The following STIM1 variants were observed in gnomAD, a reference collection of about 807,000 sequenced individuals.
STIM1 encodes stromal interaction molecule 1.
A neutral mutation model predicts 74.7 loss-of-function variants in STIM1; 25 were observed. The ratio of observed to expected loss-of-function variants is 0.33; its 90% CI spans 0.24 to 0.47. The LOEUF is 0.47. Among genes scored for constraint, STIM1 ranks in the 20% least tolerant of loss-of-function variants. The pLI, the probability that STIM1 is intolerant of heterozygous loss-of-function variation, is 1.00. For synonymous variants in STIM1, 328 were observed against 348.8 expected, an observed-to-expected ratio of 0.94 and a Z score of 0.66; for missense variants, 728 against 920.8, an observed-to-expected ratio of 0.79 and a Z score of 2.71.
intron 1 of STIM1, among the ~76,000 whole-genome samples, chr11:3,937,028 G>A (rs751199177): frequency 5.0e-4 from 76 of 152,112 alleles, no homozygotes; most frequent in African/African-American, 1.8e-3. Flanking sequence ...CTCTGCAGCT[G>A]GGTGCAGTGG....
chr11:4,023,831 C>T, intron 2 of STIM1, 42 bp from the exon 3 acceptor site: 1 of 1,531,048 alleles, frequency 6.5e-7, no homozygotes, highest in Non-Finnish European at 9.0e-7. Context: ...GACGGGCTGA[C>T]TCCTAGGTAT....
intron 6 of STIM1, 144 bp from the exon 7 acceptor site, chr11:4,074,358 C>A: frequency 1.0e-6 from 1 of 993,230 alleles, no homozygotes; most frequent in Non-Finnish European, 1.5e-6. Context: ...CTTGAGCTAG[C>A]TCAGAGCCAG....
intron 12 of STIM1, among the ~76,000 whole-genome samples, chr11:4,087,221 G>A (rs1173218808): frequency 6.6e-6 from 1 of 152,148 alleles, no homozygotes; most frequent in Non-Finnish European, 1.5e-5. Context: ...GCTGGGCATA[G>A]GGGTTCACTG....
At chr11:4,071,111 A>G (rs1374400004) in intron 6 of STIM1, among the ~76,000 whole-genome samples, 2 of 152,176 alleles carry the variant, frequency 1.3e-5, no homozygotes, top group African/African-American at 2.4e-5. Context: ...TTGAGTGTAT[A>G]GGGTGGGGTC....
intron 1 of STIM1, among the ~76,000 whole-genome samples, chr11:3,906,254 A>G (rs1175574266): frequency 6.6e-6 from 1 of 152,240 alleles, no homozygotes; most frequent in Non-Finnish European, 1.5e-5. Flanking sequence ...ATTTTGATTC[A>G]GTGGAAAGAG....
In STIM1 at chr11:4,092,854, G is replaced by C. The variant is rs1200273673; in HGVS notation, c.*1056G>C. 6.6e-6 allele frequency: 1 copy of C among 152,182 alleles called. No homozygotes were observed. The highest frequency in any genetic ancestry group is 1.5e-5 in the Non-Finnish European group (1 of 68,056). 9.4% of individuals were successfully genotyped at this position (152,182 alleles called of 1,614,324 possible). ...CATTTTCATGTTACTTTGTAGCCTTGGCCAGAGGCTCAAAAAGGACACAAC... is the reference window on the plus strand; with the variant it reads ...CATTTTCATGTTACTTTGTAGCCTTCGCCAGAGGCTCAAAAAGGACACAAC... On this transcript the variant is annotated 3_prime_UTR_variant, in exon 13 of 13. Coordinates refer to ENST00000526596, the MANE Select transcript of STIM1 (RefSeq NM_001382567.1).
In STIM1 at chr11:4,083,460, A is replaced by T; in HGVS notation, c.1436A>T (p.Asp479Val). 1 of 1,614,212 alleles carries T rather than the reference A, an allele frequency of 6.2e-7. No individual in the cohort carries two copies. The change falls in exon 10 of 13, where the codon GAC becomes GTC. Residue 479 changes from aspartate (D) to valine (V), a missense_variant. Transcript: ENST00000526596. ...TTCATCATGACTGACGACGTGGATGACATGGATGAGGAGATTGTGTCTCCC... is the reference window on the plus strand; with the variant it reads ...TTCATCATGACTGACGACGTGGATGTCATGGATGAGGAGATTGTGTCTCCC... ...AHFIMTDDVD[D>V]MDEEIVSPLS...
At chr11:3,923,841 T>C (rs2092751214) in intron 1 of STIM1, among the ~76,000 whole-genome samples, 1 of 152,130 alleles carries the variant, frequency 6.6e-6, no homozygotes, top group Non-Finnish European at 1.5e-5. Context: ...GGTATTTCTA[T>C]GTGAATTTTA....
At chr11:3,896,203 C>T (rs1054206562) in intron 1 of STIM1, among the ~76,000 whole-genome samples, 15 of 135,672 alleles carry the variant, frequency 1.1e-4, no homozygotes, top group Middle Eastern at 3.4e-3. Flanking sequence ...TGCACCTGGC[C>T]GGAATAGTGC....
At chr11:3,989,525 G>A in intron 2 of STIM1, 3 of 590,118 alleles carry the variant, frequency 5.1e-6, no homozygotes, top group South Asian at 4.7e-5. Context: ...GAGCCTTCGC[G>A]AAGCTGGGCT....
intron 1 of STIM1, among the ~76,000 whole-genome samples, chr11:3,961,750 C>T (rs1217993446): frequency 5.9e-5 from 9 of 152,018 alleles, no homozygotes; most frequent in South Asian, 2.1e-4. Context: ...CCTTGTGATC[C>T]GCCTGCCTCG....
intron 2 of STIM1, among the ~76,000 whole-genome samples, chr11:4,005,144 A>G (rs1480100264): frequency 6.6e-6 from 1 of 152,228 alleles, no homozygotes; most frequent in Non-Finnish European, 1.5e-5. Context: ...GGGACTGTAA[A>G]CTAGTTCAAC....
rs570578361 is a variant in STIM1, at chr11:4,017,089, A to G, written c.271-6784A>G. On this transcript the variant is annotated intron_variant, in intron 2 of 12. Coordinates refer to ENST00000526596, the MANE Select transcript of STIM1 (RefSeq NM_001382567.1). ...CTCCATGGGCTGCACCCACTGTCCA[A>G]CCAGTCCCAATGAGATGAACCAGGT... Among the ~76,000 whole-genome samples, 40 of 151,880 alleles carry G rather than the reference A, an allele frequency of 2.6e-4. No homozygotes were observed. The East Asian group carries it at 5.8e-3, about 22-fold the overall frequency.
intron 1 of STIM1, among the ~76,000 whole-genome samples, chr11:3,944,698 G>C (rs2093051123): frequency 6.6e-6 from 1 of 152,198 alleles, no homozygotes; most frequent in Non-Finnish European, 1.5e-5. Flanking sequence ...GTGGGATCAG[G>C]AATCTCTGCT....
At position 4,082,830 on chromosome 11, in the gene STIM1, A is replaced by C. The variant is rs2898950; in HGVS notation, c.1138-52A>C. 0.9 allele frequency: 1,357,515 copies of C among 1,510,660 alleles called. 615,218 individuals carry two copies. Among genetic ancestry groups the C allele is most frequent in the East Asian group, 0.96 (42,553 of 44,338 alleles). 93.6% of individuals were successfully genotyped at this position (1,510,660 alleles called of 1,614,324 possible). ...CCATAGGGGAAGGCCTTTCTCATTT[A>C]TTCCATTCTCGAATCCCTGCTCTTT... On this transcript the variant is annotated intron_variant, in intron 8 of 12. Transcript: ENST00000526596.
intron 1 of STIM1, among the ~76,000 whole-genome samples, chr11:3,862,846 ATATAAG>A (rs554579313): frequency 3.2e-4 from 48 of 152,106 alleles, no homozygotes; most frequent in African/African-American, 6.8e-4. Context: ...ACTTATACAT[ATATAAG>A]TATATCTGTA....
At chr11:4,030,259 A>T (rs1012088622) in intron 3 of STIM1, among the ~76,000 whole-genome samples, 1 of 150,564 alleles carries the variant, frequency 6.6e-6, no homozygotes, top group Admixed American at 6.6e-5. Flanking sequence ...AACCCAGGGT[A>T]TGGAGGTTGC....
At chr11:3,957,298 G>A (rs1048227445) in intron 1 of STIM1, among the ~76,000 whole-genome samples, 9 of 151,900 alleles carry the variant, frequency 5.9e-5, no homozygotes, top group Non-Finnish European at 1.2e-4. Context: ...GCTCTGTTGC[G>A]CAGGCTGGAG....
rs565331119 is a variant in STIM1, at chr11:4,063,442, T to A, written c.613+4046T>A. Among the ~76,000 whole-genome samples the A allele has an allele frequency of 2.0e-3, 308 of 152,370 alleles. 4 individuals carry two copies. In the South Asian group the frequency reaches 0.034, roughly 17 times the overall value. ...ATTTCCAAAAGCATGTGCTCACTTT[T>A]GAGTCTCTGTGTCGGAATTTTTAAG... On this transcript the variant is annotated intron_variant, in intron 5 of 12. Transcript: ENST00000526596.
Sources: gnomAD v4.1 joint callset for allele counts (sites outside exome capture counted in the v4.1 genomes callset) on GRCh38, gnomAD v4.1.1 for gene constraint, MANE v1.5 for transcripts, NCBI Gene and HGNC (gene_info 2026-07-23, HGNC 2026-07-21) for gene names.